USP6NL: variants seen among roughly 807,000 people sequenced by gnomAD.
USP6NL encodes the protein USP6 N-terminal like.
Under a neutral mutation model 61.9 loss-of-function variants are expected in USP6NL, and 26 were observed. That is an observed-to-expected ratio of 0.42 (90% CI 0.31 to 0.58). The LOEUF is 0.58. Ranked by LOEUF, USP6NL falls within the 20% of genes least tolerant of loss-of-function variation. The pLI is 0.16. For missense variants in USP6NL, 1,114 were observed against 1,034.3 expected (o/e 1.08, Z -1.06); for synonymous variants, 432 against 390.1 (o/e 1.11, Z -1.27).
chr10:11,475,395 C>A (rs1005001951), intron 14 of USP6NL, among the ~76,000 whole-genome samples: 6 of 151,476 alleles, frequency 4.0e-5, no homozygotes, highest in Non-Finnish European at 8.8e-5. Flanking sequence ...GAGTTCGAGA[C>A]CAGTCTGACC....
rs191991322 is a variant in USP6NL, at chr10:11,490,661, C to A, written c.543+171G>T. On this transcript the variant is annotated intron_variant, in intron 9 of 14. Coordinates refer to ENST00000609104, the MANE Select transcript of USP6NL (RefSeq NM_014688.5). The surrounding 1 kb of genome is among the most constrained non-coding windows in gnomAD (Gnocchi z 4.5). ...CTTCCACTTCAGAATCAGCTCTGTTCTAAGGCCCTAGGGTTATCACAGGGT... is the reference window on the plus strand; with the variant it reads ...CTTCCACTTCAGAATCAGCTCTGTTATAAGGCCCTAGGGTTATCACAGGGT... Among the ~76,000 whole-genome samples the A allele has an allele frequency of 6.6e-6, 1 of 152,222 alleles. No homozygotes were observed. Among genetic ancestry groups the A allele is most frequent in the Non-Finnish European group, 1.5e-5 (1 of 68,042 alleles).
intron 14 of USP6NL, among the ~76,000 whole-genome samples, chr10:11,464,740 A>G (rs913484530): frequency 6.6e-6 from 1 of 152,258 alleles, no homozygotes; most frequent in Non-Finnish European, 1.5e-5. Context: ...CAGCTGGCAG[A>G]ACCCACGTTG....
In USP6NL at chr10:11,522,884, G is replaced by C. The variant is rs529561101; in HGVS notation, c.155+2502C>G. On this transcript the variant is annotated intron_variant, in intron 4 of 14. Transcript: ENST00000609104. ...TGTAGCAGTTCAGAATGCAAGTTCT[G>C]CAGGAAGACTGCCAAGGTCCACACC... is the stretch of plus-strand genomic sequence containing the variant. Among the ~76,000 whole-genome samples the C allele has an allele frequency of 3.0e-4, 45 of 152,326 alleles. 1 individual carries two copies. Among genetic ancestry groups the C allele is most frequent in the Admixed American group, 2.0e-4 (3 of 15,306 alleles).
rs1214774036 is a variant in USP6NL at position 11,461,993 on chromosome 10, C to T, written c.*448G>A. The T allele has an allele frequency of 6.5e-6, 1 of 154,654 alleles. No homozygotes were observed. The highest frequency in any genetic ancestry group is 2.4e-5 in the African/African-American group (1 of 41,486). 9.6% of individuals were successfully genotyped at this position (154,654 alleles called of 1,614,324 possible). A position where few individuals can be genotyped will look rare whatever the true frequency, so the allele number is the denominator to read the frequency against. ...TTTTTTAAAAAACGTTTCTTTAGCT[C>T]TGTGTTCAAATGTGGATGAACAGAT... On this transcript the variant is annotated 3_prime_UTR_variant, in exon 15 of 15. Transcript: ENST00000609104.
At chr10:11,607,629 T>C (rs375033862) in intron 1 of USP6NL, among the ~76,000 whole-genome samples, 2 of 152,240 alleles carry the variant, frequency 1.3e-5, no homozygotes, top group East Asian at 1.9e-4. Flanking sequence ...AAGGCTGCAG[T>C]GAGCTGAGAC....
chr10:11,559,015 A>G (rs941429479), intron 2 of USP6NL, among the ~76,000 whole-genome samples: 24 of 152,248 alleles, frequency 1.6e-4, no homozygotes, highest in African/African-American at 5.5e-4. Context: ...GTTTGGTTAC[A>G]GACTTCTATA....
intron 14 of USP6NL, among the ~76,000 whole-genome samples, chr10:11,464,847 TTTTC>T (rs1245449443): frequency 6.6e-6 from 1 of 152,188 alleles, no homozygotes; most frequent in Non-Finnish European, 1.5e-5. Flanking sequence ...TTCAGAAAAG[TTTTC>T]TTTGTTTTAT....
intron 2 of USP6NL, among the ~76,000 whole-genome samples, chr10:11,559,309 A>G (rs1836833726): frequency 6.6e-6 from 1 of 152,244 alleles, no homozygotes. Context: ...TTGAAGTTAT[A>G]TAAACAGAAA....
chr10:11,557,511 A>C (rs1836755436), intron 2 of USP6NL, among the ~76,000 whole-genome samples: 1 of 152,242 alleles, frequency 6.6e-6, no homozygotes, highest in South Asian at 2.1e-4. Flanking sequence ...CCATGATTTT[A>C]AATGCAAATT....
chr10:11,586,477 G>A (rs1424822643), intron 2 of USP6NL, among the ~76,000 whole-genome samples: 1 of 150,784 alleles, frequency 6.6e-6, no homozygotes, highest in Non-Finnish European at 1.5e-5. Flanking sequence ...TTCTAACCAT[G>A]AAAACAATTA....
At chr10:11,484,189 C>T (rs1030169912) in intron 13 of USP6NL, among the ~76,000 whole-genome samples, 7 of 152,080 alleles carry the variant, frequency 4.6e-5, no homozygotes, top group Non-Finnish European at 7.4e-5. Flanking sequence ...AGTACGTGTA[C>T]GTATGAAGCT....
chr10:11,481,009 T>C lies in USP6NL; in HGVS notation c.1078+761A>G, dbSNP rs1367029993. The stretch of plus-strand genomic sequence containing the variant: ...ATTTTCATTTTCTTCCCTCCCTTCC[T>C]GCACTCCCCTTCTTCTGCTCCTCTC... On this transcript the variant is annotated intron_variant, in intron 14 of 14. Coordinates refer to ENST00000609104, the MANE Select transcript of USP6NL (RefSeq NM_014688.5). The surrounding 1 kb of genome is among the most constrained non-coding windows in gnomAD (Gnocchi z 4.4). Among the ~76,000 whole-genome samples, 1 of 152,210 alleles carries C rather than the reference T, an allele frequency of 6.6e-6. No homozygotes were observed. The highest frequency in any genetic ancestry group is 1.9e-4 in the East Asian group (1 of 5,206).
intron 2 of USP6NL, chr10:11,563,222 G>A (rs1837006489): frequency 2.6e-5 from 4 of 152,090 alleles, no homozygotes; most frequent in African/African-American, 9.7e-5. Context: ...TTCTCAAGAT[G>A]GTAAATTTAT....
chr10:11,560,723 T>TATATATATATATATA (rs1836900854), intron 2 of USP6NL, among the ~76,000 whole-genome samples: 2 of 146,866 alleles, frequency 1.4e-5, no homozygotes, highest in African/African-American at 4.9e-5. Flanking sequence ...ATTATATATA[T>TATATATATATATATA]ATATATATAT....
Position 11,487,301 on chromosome 10 carries a change from C to T in USP6NL, c.665-1390G>A, listed in dbSNP as rs1833511141. Among the ~76,000 whole-genome samples the T allele has an allele frequency of 6.6e-6, 1 of 152,110 alleles. No homozygotes were observed. Among genetic ancestry groups the T allele is most frequent in the African/African-American group, 2.4e-5 (1 of 41,412 alleles). ...AAACCACCTTCACACTAGAAAGTAA[C>T]CTTTAGTTATAAAATTTCATAGGCA... On this transcript the variant is annotated intron_variant, in intron 10 of 14. Transcript: ENST00000609104. The surrounding 1 kb of genome is among the most constrained non-coding windows in gnomAD (Gnocchi z 4.2).
At position 11,563,417 on chromosome 10, in the gene USP6NL, CACACAT is replaced by C. The variant is rs1221075816; in HGVS notation, c.4+34208_4+34213del. 5 of 152,252 alleles carry C rather than the reference CACACAT, an allele frequency of 3.3e-5. No individual in the cohort carries two copies. In the East Asian group the frequency reaches 5.8e-4, roughly 18 times the overall value. 9.4% of individuals were successfully genotyped at this position (152,252 alleles called of 1,614,324 possible). A position where few individuals can be genotyped will look rare whatever the true frequency, so the allele number is the denominator to read the frequency against. On this transcript the variant is annotated intron_variant, in intron 2 of 14. Coordinates refer to ENST00000609104, the MANE Select transcript of USP6NL (RefSeq NM_014688.5). ...TTGCCGAGGACCCACCACACACACA[CACACAT>C]ACACACAAATGTCACACATACACCA...
Position 11,465,924 on chromosome 10 carries a change from C to T in USP6NL, c.1079-2075G>A, listed in dbSNP as rs561096839. The stretch of plus-strand genomic sequence containing the variant: ...ATAATTTGCTTGTATGGTCCTAGCA[C>T]ATTTTCAGTGTCAACAATGTAATGA... On this transcript the variant is annotated intron_variant, in intron 14 of 14. Transcript: ENST00000609104. The surrounding 1 kb of genome is among the most constrained non-coding windows in gnomAD (Gnocchi z 4.5). Among the ~76,000 whole-genome samples the T allele has an allele frequency of 6.6e-6, 1 of 152,304 alleles. No individual in the cohort carries two copies. Among genetic ancestry groups the T allele is most frequent in the South Asian group, 2.1e-4 (1 of 4,830 alleles).
intron 2 of USP6NL, among the ~76,000 whole-genome samples, chr10:11,570,510 T>A (rs184047478): frequency 2.0e-5 from 3 of 152,356 alleles, no homozygotes; most frequent in Admixed American, 2.0e-4. Flanking sequence ...CTAATTTTAA[T>A]AACCTTGGTC....
chr10:11,489,369 C>A lies in USP6NL; in HGVS notation c.544-147G>T. ...CTAGAGACAAATACTATACTCTTTA[C>A]AGTATTATGCCACATAAGAGAATAA... is the stretch of plus-strand genomic sequence containing the variant. On this transcript the variant is annotated intron_variant, in intron 9 of 14. Coordinates refer to ENST00000609104, the MANE Select transcript of USP6NL (RefSeq NM_014688.5). This position sits in a 1 kb window ranked among gnomAD's most constrained non-coding sequence, Gnocchi z 5.7. 1 of 985,216 alleles carries A rather than the reference C, an allele frequency of 1.0e-6. No individual in the cohort carries two copies. Among genetic ancestry groups the A allele is most frequent in the Non-Finnish European group, 1.4e-6 (1 of 714,448 alleles). The allele number at this position is 985,216 out of a possible 1,614,324, so 61.0% of individuals were successfully genotyped here.
Sources: allele counts gnomAD v4.1 joint callset (sites outside exome capture counted in the v4.1 genomes callset), GRCh38; gene constraint gnomAD v4.1.1; non-coding constraint Gnocchi (gnomAD v3.1); transcripts MANE v1.5; gene names NCBI Gene and HGNC (gene_info 2026-07-23, HGNC 2026-07-21).